BSN: variants seen among roughly 807,000 people sequenced by gnomAD.
BSN encodes the protein bassoon presynaptic cytomatrix protein, also known as protein bassoon.
In BSN, 57 loss-of-function variants were observed where a neutral mutation model predicts 264.8. That is an observed-to-expected ratio of 0.22 (90% CI 0.17 to 0.27). The LOEUF is 0.27. Ranked by LOEUF, BSN falls within the 10% of genes least tolerant of loss-of-function variation. BSN has a pLI of 1.00. For synonymous variants in BSN, 2,059 were observed against 2,137.3 expected, an observed-to-expected ratio of 0.96 and a Z score of 1.01; for missense variants, 4,615 against 5,232.5, an observed-to-expected ratio of 0.88 and a Z score of 3.64.
chr3:49,604,455 G>T (rs2052095433), intron 1 of BSN, among the ~76,000 whole-genome samples: 1 of 152,010 alleles, frequency 6.6e-6, no homozygotes, highest in Non-Finnish European at 1.5e-5. Flanking sequence ...TCGTGTAAGT[G>T]GAATTCTACA....
rs765632548 is a variant in BSN at position 49,657,656 on chromosome 3, C to G, written c.8100C>G (p.Ile2700Met). ...CTGCCACCGATCCCAAGGTGGAGAT[C>G]GTCAGGTACATATCGGCGCCAGAGA... is the stretch of plus-strand genomic sequence containing the variant. ...ITAATDPKVE[I>M]VRYISAPEKT... The change falls in exon 5 of 12, where the codon ATC becomes ATG. Residue 2700 changes from isoleucine to methionine, a missense_variant. Transcript: ENST00000296452. 1.9e-6 allele frequency: 3 copies of G among 1,586,672 alleles called. No individual in the cohort carries two copies. The highest frequency in any genetic ancestry group is 2.7e-5 in the African/African-American group (2 of 74,460).
Position 49,657,512 on chromosome 3 carries a change from C to G in BSN, c.7956C>G (p.Ser2652=). ...DSKHDATASS[S]SAAATVRAMS... ...AGCACGATGCCACTGCCTCATCATC[C>G]AGTGCTGCTGCCACTGTGAGGGCCA... Residue 2652 remains serine (S), a synonymous_variant, in exon 5 of 12, where the codon TCC becomes TCG. Coordinates refer to ENST00000296452, the MANE Select transcript of BSN (RefSeq NM_003458.4). The G allele has an allele frequency of 6.2e-7, 1 of 1,613,212 alleles. No homozygotes were observed.
Position 49,662,542 on chromosome 3 carries a change from G to A in BSN, c.10697G>A (p.Cys3566Tyr), listed in dbSNP as rs778872075. 6.3e-7 allele frequency: 1 copy of A among 1,593,508 alleles called. No individual in the cohort carries two copies. The highest frequency in any genetic ancestry group is 1.1e-5 in the South Asian group (1 of 88,374). The change falls in exon 6 of 12, where the codon TGC (cysteine) becomes TAC (tyrosine). Residue 3566 changes from cysteine (C) to tyrosine (Y), a missense_variant. This residue lies in a region of BSN where 3,415 missense variants were observed against 3,866.4 expected (regional missense o/e 0.88). Transcript: ENST00000296452. The part of the protein sequence containing the change: ...EEGYILDDSH[C>Y]VVSDSEAYHL... ...GGCTACATCCTGGATGATTCCCATT[G>A]CGTGGTTTCCGACAGCGAAGGTAAT...
At chr3:49,630,489 G>A (rs1474583730) in intron 2 of BSN, among the ~76,000 whole-genome samples, 1 of 152,210 alleles carries the variant, frequency 6.6e-6, no homozygotes, top group Non-Finnish European at 1.5e-5. Flanking sequence ...CTGTTGCTTA[G>A]TACATGCCCC....
At chr3:49,565,117 C>CT (rs1299417628) in intron 1 of BSN, among the ~76,000 whole-genome samples, 135 of 130,362 alleles carry the variant, frequency 1.0e-3, no homozygotes, top group Middle Eastern at 4.0e-3. Flanking sequence ...TATTCCTCCA[C>CT]TTTTTTTTTT....
At chr3:49,659,149 G>C (rs1273434329) in intron 5 of BSN, among the ~76,000 whole-genome samples, 2 of 152,184 alleles carry the variant, frequency 1.3e-5, no homozygotes, top group African/African-American at 2.4e-5. Flanking sequence ...GACGAGAAAA[G>C]TGGAGCCTTA....
chr3:49,657,932 G>A lies in BSN; in HGVS notation c.8376G>A (p.Gln2792=). The part of the protein sequence containing the change: ...LVSRQPPKSP[Q]VLYSPVSPLS... The stretch of plus-strand genomic sequence containing the variant: ...GCCGCCAGCCTCCCAAGTCCCCTCA[G>A]GTCCTCTACTCACCAGTCTCACCCC... Residue 2792 remains glutamine (Q), a synonymous_variant, in exon 5 of 12, where the codon CAG becomes CAA. Coordinates refer to ENST00000296452, the MANE Select transcript of BSN (RefSeq NM_003458.4). 1.2e-6 allele frequency: 2 copies of A among 1,613,612 alleles called. No individual in the cohort carries two copies. The highest frequency in any genetic ancestry group is 2.2e-5 in the South Asian group (2 of 91,056).
chr3:49,673,115 T>TTTTTTTTTTTTTTCTTTTTTG (rs2052851236), downstream of BSN, among the ~76,000 whole-genome samples: 1 of 121,080 alleles, frequency 8.3e-6, no homozygotes, highest in Non-Finnish European at 1.7e-5. Flanking sequence ...TTTTTTTTTT[T>TTTTTTTTTTTTTTCTTTTTTG]ACTTAACTAG....
intron 1 of BSN, among the ~76,000 whole-genome samples, chr3:49,612,356 C>T (rs563379543): frequency 2.0e-5 from 3 of 152,068 alleles, no homozygotes; most frequent in Non-Finnish European, 4.4e-5. Flanking sequence ...AGGATGGTCT[C>T]GATCTCCTGA....
intron 1 of BSN, among the ~76,000 whole-genome samples, chr3:49,557,918 G>A (rs1559591141): frequency 6.6e-6 from 1 of 152,158 alleles, no homozygotes; most frequent in African/African-American, 2.4e-5. Flanking sequence ...ATCAGCTAAG[G>A]TGTATTTGTC....
intron 1 of BSN, among the ~76,000 whole-genome samples, chr3:49,591,141 G>A (rs974138369): frequency 6.6e-6 from 1 of 151,978 alleles, no homozygotes; most frequent in African/African-American, 2.4e-5. Flanking sequence ...AGAGTTTGTT[G>A]TATATCGGCC....
Position 49,651,520 on chromosome 3 carries a change from G to A in BSN, c.1987-23G>A. 1.3e-6 allele frequency: 2 copies of A among 1,536,818 alleles called. No homozygotes were observed. The highest frequency in any genetic ancestry group is 1.3e-5 in the South Asian group (1 of 77,850). On this transcript the variant is annotated intron_variant, in intron 4 of 11. Transcript: ENST00000296452. This position sits in a 1 kb window ranked among gnomAD's most constrained non-coding sequence, Gnocchi z 5.4. Reference sequence around the variant, plus strand: ...ACGAGCTTTGCCATGGGGAGTCAGTGTCTGCTTTTCACCCTGCTGCAGGAC... The same window carrying A: ...ACGAGCTTTGCCATGGGGAGTCAGTATCTGCTTTTCACCCTGCTGCAGGAC...
chr3:49,628,814 G>A lies in BSN; in HGVS notation c.633+3431G>A, dbSNP rs1433160605. 2.0e-5 allele frequency among the ~76,000 whole-genome samples: 3 copies of A among 152,168 alleles called. No individual in the cohort carries two copies. The East Asian group carries it at 5.8e-4, about 29-fold the overall frequency. ...GGCTTGGTCTCCAGCTTTCCCCCAG[G>A]GATTTGCAGCCTCATTTTCCCCATC... On this transcript the variant is annotated intron_variant, in intron 2 of 11. Transcript: ENST00000296452.
chr3:49,614,970 T>TCC (rs1349726583), intron 1 of BSN, among the ~76,000 whole-genome samples: 1 of 152,146 alleles, frequency 6.6e-6, no homozygotes, highest in East Asian at 1.9e-4. Context: ...CCTGGTGGTC[T>TCC]CCCCGTCTGA....
intron 1 of BSN, among the ~76,000 whole-genome samples, chr3:49,567,963 C>T (rs1020941428): frequency 3.3e-5 from 5 of 152,138 alleles, no homozygotes; most frequent in African/African-American, 2.4e-5. Context: ...CATGTGGGCT[C>T]ATTTGGGCTG....
rs148600931 is a variant in BSN at position 49,651,798 on chromosome 3, C to G, written c.2242C>G (p.Pro748Ala). 1 of 1,613,738 alleles carries G rather than the reference C, an allele frequency of 6.2e-7. No homozygotes were observed. Among genetic ancestry groups the G allele is most frequent in the Admixed American group, 1.7e-5 (1 of 60,028 alleles). Residue 748 changes from proline to alanine, a missense_variant, in exon 5 of 12, where the codon CCA becomes GCA. Physicochemically the swap from Pro to Ala is conservative, Grantham distance 27. Around this residue, in one of 3 missense-constraint regions of BSN, gnomAD observed 1,197 missense variants for 1,348.0 expected, o/e 0.89. Transcript: ENST00000296452. The surrounding 1 kb of genome is among the most constrained non-coding windows in gnomAD (Gnocchi z 5.4). Reference sequence around the variant, plus strand: ...CCTGGCCCCAAGTGAGCGGAGCAAGCCACTCTCCAGCGGTACTGGCGAGGA... The same window carrying G: ...CCTGGCCCCAAGTGAGCGGAGCAAGGCACTCTCCAGCGGTACTGGCGAGGA... ...QGLAPSERSK[P>A]LSSGTGEEQK...
intron 11 of BSN, among the ~76,000 whole-genome samples, chr3:49,666,252 G>A (rs1192034926): frequency 1.3e-5 from 2 of 152,230 alleles, no homozygotes; most frequent in Admixed American, 6.5e-5. Context: ...TGCTGGGCCC[G>A]GGCCAGCACT....
intron 1 of BSN, among the ~76,000 whole-genome samples, chr3:49,605,516 A>AT (rs2052115617): frequency 1.9e-3 from 2 of 1,080 alleles, no homozygotes; most frequent in African/African-American, 8.1e-3. Context: ...ATTATATAAT[A>AT]TATATATAAT....
intron 1 of BSN, among the ~76,000 whole-genome samples, chr3:49,578,178 T>C (rs2051861194): frequency 6.6e-6 from 1 of 152,150 alleles, no homozygotes; most frequent in African/African-American, 2.4e-5. Flanking sequence ...ATCCTTTTCT[T>C]AAAGACAGGA....
Sources: allele counts gnomAD v4.1 joint callset (sites outside exome capture counted in the v4.1 genomes callset), GRCh38; gene constraint gnomAD v4.1.1; regional missense constraint gnomAD v4.1.1; non-coding constraint Gnocchi (gnomAD v3.1); transcripts MANE v1.5; gene names NCBI Gene and HGNC (gene_info 2026-07-23, HGNC 2026-07-21).